Variants in AMBRA1 observed in about 807,000 individuals in gnomAD.
AMBRA1 encodes autophagy and beclin 1 regulator 1.
AMBRA1 carries 47 observed loss-of-function variants against 125.4 expected under a neutral mutation model. The observed-to-expected ratio is 0.37, with a 90% confidence interval of 0.30 to 0.48. AMBRA1 has a LOEUF of 0.48. Among genes scored for constraint, AMBRA1 ranks in the 20% least tolerant of loss-of-function variants. The pLI is 0.99. For synonymous variants in AMBRA1, 626 were observed against 655.5 expected (o/e 0.95, Z 0.69); for missense variants, 1,331 against 1,693.4 (o/e 0.79, Z 3.76).
At chr11:46,433,078 A>G in intron 14 of AMBRA1, among the ~76,000 whole-genome samples, 1 of 152,224 alleles carries the variant, frequency 6.6e-6, no homozygotes, top group East Asian at 1.9e-4. Context: ...CACAGAAAAA[A>G]AACATTTCAT....
At chr11:46,452,514 T>C (rs1446334064) in intron 11 of AMBRA1, among the ~76,000 whole-genome samples, 1 of 152,194 alleles carries the variant, frequency 6.6e-6, no homozygotes, top group Non-Finnish European at 1.5e-5. Flanking sequence ...TTATGGATTA[T>C]CTGAGCTCTC....
intron 8 of AMBRA1, among the ~76,000 whole-genome samples, chr11:46,512,372 T>C (rs1038505882): frequency 6.6e-6 from 1 of 152,180 alleles, no homozygotes; most frequent in Non-Finnish European, 1.5e-5. Flanking sequence ...TCCCTATAAA[T>C]TAAAAACATT....
At chr11:46,507,376 G>C (rs944533872) in intron 9 of AMBRA1, among the ~76,000 whole-genome samples, 2 of 151,662 alleles carry the variant, frequency 1.3e-5, no homozygotes, top group African/African-American at 4.9e-5. Flanking sequence ...CTACTCAGGA[G>C]GCTGAGGCAG....
chr11:46,568,803 C>CTTT (rs774631588), intron 1 of AMBRA1, among the ~76,000 whole-genome samples: 43 of 96,450 alleles, frequency 4.5e-4, no homozygotes, highest in African/African-American at 1.3e-3. Flanking sequence ...TCAACCCTAC[C>CTTT]TTTTTTTTTT....
At chr11:46,421,583 A>G (rs574655466) in intron 14 of AMBRA1, among the ~76,000 whole-genome samples, 2 of 152,316 alleles carry the variant, frequency 1.3e-5, no homozygotes, top group South Asian at 4.1e-4. Flanking sequence ...CCTGAAACCA[A>G]TGGACACTTG....
chr11:46,581,593 G>A (rs190752613), intron 1 of AMBRA1, among the ~76,000 whole-genome samples: 11 of 151,670 alleles, frequency 7.3e-5, no homozygotes, highest in South Asian at 2.1e-4. Context: ...GTGACAGTGC[G>A]AGACTTCCTC....
chr11:46,487,371 T>G (rs1038772084), intron 11 of AMBRA1, among the ~76,000 whole-genome samples: 1 of 152,228 alleles, frequency 6.6e-6, no homozygotes, highest in Non-Finnish European at 1.5e-5. Context: ...ATAACAATTT[T>G]ATTAACAAGT....
rs370342164 is a variant in AMBRA1, at chr11:46,545,172, G to T, written c.551+432C>A. Among the ~76,000 whole-genome samples, 610 of 138,692 alleles carry T rather than the reference G, an allele frequency of 4.4e-3. 8 individuals carry two copies. The highest frequency in any genetic ancestry group is 7.3e-3 in the Non-Finnish European group (470 of 64,026). The allele number at this position is 138,692 out of a possible 152,430, so 91.0% of individuals were successfully genotyped here. A position where few individuals can be genotyped will look rare whatever the true frequency, so the allele number is the denominator to read the frequency against. ...AAAAAAAAAAAAGCCGGGGGGGGGG[G>T]GGTGGTGGTGGGCATGGTGGCTCAT... On this transcript the variant is annotated intron_variant, in intron 5 of 17. Transcript: ENST00000683756.
chr11:46,417,985 C>CG lies in AMBRA1; in HGVS notation c.3043dup (p.Arg1015ProfsTer5). ...GCCAAGCCCTGGCTCAGGCAGCCAA[C>CG]GGGCAGAGTTGATACTGACATGTCT... On this transcript the variant is annotated frameshift_variant, in exon 15 of 18. Coordinates refer to ENST00000683756, the MANE Select transcript of AMBRA1 (RefSeq NM_001387011.1). LOFTEE classifies it high-confidence loss of function. 6.2e-7 allele frequency: 1 copy of CG among 1,610,730 alleles called. No homozygotes were observed. The highest frequency in any genetic ancestry group is 8.5e-7 in the Non-Finnish European group (1 of 1,177,766).
chr11:46,589,840 T>C (rs2044529654), intron 1 of AMBRA1, among the ~76,000 whole-genome samples: 1 of 151,338 alleles, frequency 6.6e-6, no homozygotes, highest in Non-Finnish European at 1.5e-5. Flanking sequence ...GCCAGGATGG[T>C]CTCAATCTCC....
At chr11:46,454,579 C>CAAAAAAAAAAA (rs777518872) in intron 11 of AMBRA1, among the ~76,000 whole-genome samples, 5 of 50,474 alleles carry the variant, frequency 9.9e-5, no homozygotes, top group African/African-American at 1.9e-4. Context: ...ACTAAAAATA[C>CAAAAAAAAAAA]AAAAAAAAAA....
chr11:46,583,732 G>C (rs149747817), intron 1 of AMBRA1, among the ~76,000 whole-genome samples: 2,313 of 146,824 alleles, frequency 0.016, 21 homozygotes, highest in Middle Eastern at 0.021. Context: ...AGACACTTCT[G>C]AAAAGAAGAC....
At chr11:46,400,473 GTTTTTTTTTTTTTTTTTTTTTTT>G (rs553040136) in intron 17 of AMBRA1, among the ~76,000 whole-genome samples, 18 of 48,896 alleles carry the variant, frequency 3.7e-4, no homozygotes, top group African/African-American at 9.7e-4. Flanking sequence ...TCTTTCTATA[GTTTTTTTTTTTTTTTTTTTTTTT>G]TTTTTTTTTT....
At chr11:46,583,216 T>A (rs1299349173) in intron 1 of AMBRA1, among the ~76,000 whole-genome samples, 2 of 152,066 alleles carry the variant, frequency 1.3e-5, no homozygotes, top group Non-Finnish European at 2.9e-5. Context: ...AACTATCTGA[T>A]CTTCGACAAA....
chr11:46,475,523 A>G (rs1290911178), intron 11 of AMBRA1, among the ~76,000 whole-genome samples: 3 of 152,178 alleles, frequency 2.0e-5, no homozygotes, highest in African/African-American at 7.2e-5. Flanking sequence ...AGACTATCCA[A>G]TGAAAAATGA....
intron 11 of AMBRA1, among the ~76,000 whole-genome samples, chr11:46,455,750 G>C (rs1590853420): frequency 6.6e-6 from 1 of 152,140 alleles, no homozygotes; most frequent in African/African-American, 2.4e-5. Context: ...TGCCTTGAAC[G>C]CACCAGTGCC....
intron 7 of AMBRA1, among the ~76,000 whole-genome samples, chr11:46,513,876 C>G (rs2135058819): frequency 6.6e-6 from 1 of 151,322 alleles, no homozygotes; most frequent in Middle Eastern, 3.4e-3. Flanking sequence ...TAAATTTTAG[C>G]TACAACTTTT....
chr11:46,457,413 A>AG (rs942424702), intron 11 of AMBRA1, among the ~76,000 whole-genome samples: 5 of 152,226 alleles, frequency 3.3e-5, no homozygotes, highest in African/African-American at 1.2e-4. Flanking sequence ...TCACCTTGGA[A>AG]GGGGGGAAAA....
chr11:46,453,548 G>A (rs1249661247), intron 11 of AMBRA1, among the ~76,000 whole-genome samples: 1 of 152,164 alleles, frequency 6.6e-6, no homozygotes, highest in African/African-American at 2.4e-5. Flanking sequence ...TGGAAAACCA[G>A]CAATCATAAA....
Sources: allele counts gnomAD v4.1 joint callset (sites outside exome capture counted in the v4.1 genomes callset), GRCh38; gene constraint gnomAD v4.1.1; transcripts MANE v1.5; gene names NCBI Gene and HGNC (gene_info 2026-07-23, HGNC 2026-07-21).